Variants in SLFN11 observed in about 807,000 individuals in gnomAD.
SLFN11 encodes the protein schlafen family member 11.
Under a neutral mutation model 53.4 loss-of-function variants are expected in SLFN11, and 43 were observed. The ratio of observed to expected loss-of-function variants is 0.80; its 90% CI spans 0.63 to 1.04. SLFN11 has a LOEUF of 1.04. Ranked by LOEUF, SLFN11 falls within the 50% of genes least tolerant of loss-of-function variation. The probability of loss-of-function intolerance (pLI) is 0.00; values close to 1 mark genes in which losing one functional copy is unlikely to be tolerated. For synonymous variants in SLFN11, 389 were observed against 394.7 expected (o/e 0.99, Z 0.17); for missense variants, 990 against 1,079.1 (o/e 0.92, Z 1.16).
Position 35,352,133 on chromosome 17 carries a change from T to C in SLFN11, c.*223A>G. The stretch of plus-strand genomic sequence containing the variant: ...CTAAAGTTCCTTTAGAAAACCACCA[T>C]CTTTCTGGCTGGAAGAGTCAGGGGT... On this transcript the variant is annotated 3_prime_UTR_variant, in exon 7 of 7. Transcript: ENST00000685675. 6.7e-6 allele frequency: 4 copies of C among 595,578 alleles called. No individual in the cohort carries two copies. Among genetic ancestry groups the C allele is most frequent in the Non-Finnish European group, 8.8e-6 (3 of 339,624 alleles). The allele number at this position is 595,578 out of a possible 1,614,324, so 36.9% of individuals were successfully genotyped here.
intron 5 of SLFN11, among the ~76,000 whole-genome samples, chr17:35,358,331 C>T (rs1355289705): frequency 1.3e-5 from 2 of 151,464 alleles, no homozygotes; most frequent in African/African-American, 2.4e-5. Context: ...TTACTGTTTA[C>T]AGTAGTTTTC....
chr17:35,352,903 T>C lies in SLFN11; in HGVS notation c.2159A>G (p.Asp720Gly). The change falls in exon 7 of 7, where the codon GAC (aspartate) becomes GGC (glycine). Residue 720 changes from aspartate to glycine, a missense_variant. This residue lies in a region of SLFN11 where 313 missense variants were observed against 320.9 expected (regional missense o/e 0.98). Transcript: ENST00000685675. ...GGTGAGCTCTTCTCTTGGATATTGG[T>C]CTGAGAGAGGAGGGAGGCCACTGCA... is the stretch of plus-strand genomic sequence containing the variant. Reference protein sequence around the residue: ...LDCSGLPPLSDQYPREELTRI... With the variant: ...LDCSGLPPLSGQYPREELTRI... 1 of 1,614,144 alleles carries C rather than the reference T, an allele frequency of 6.2e-7. No individual in the cohort carries two copies. Among genetic ancestry groups the C allele is most frequent in the African/African-American group, 1.3e-5 (1 of 75,022 alleles).
At chr17:35,359,413 C>G (rs1907915441) in intron 5 of SLFN11, among the ~76,000 whole-genome samples, 2 of 152,054 alleles carry the variant, frequency 1.3e-5, no homozygotes, top group Non-Finnish European at 2.9e-5. Flanking sequence ...ATTTAATGAT[C>G]CTTGACAGAT....
chr17:35,371,812 G>A lies in SLFN11; in HGVS notation c.-235+1662C>T, dbSNP rs148726326. 7.8e-3 allele frequency among the ~76,000 whole-genome samples: 1,187 copies of A among 152,004 alleles called. 17 individuals carry two copies. Among genetic ancestry groups the A allele is most frequent in the African/African-American group, 0.028 (1,140 of 41,448 alleles). On this transcript the variant is annotated intron_variant, in intron 1 of 6. Transcript: ENST00000685675. Reference sequence around the variant, plus strand: ...TTAAAATGGCTTTTATCCAAAAGACGGGCAATAACAAACGCTGGCAAGGAT... The same window carrying A: ...TTAAAATGGCTTTTATCCAAAAGACAGGCAATAACAAACGCTGGCAAGGAT...
At chr17:35,354,189 TTATTA>T (rs1174058452) in intron 5 of SLFN11, 130 bp from the exon 6 acceptor site, 8 of 667,022 alleles carry the variant, frequency 1.2e-5, no homozygotes, top group Admixed American at 4.0e-5. Context: ...TTTATAAATA[TTATTA>T]TATTATAGTT....
At chr17:35,365,043 G>A (rs1486826095) in intron 3 of SLFN11, among the ~76,000 whole-genome samples, 7 of 152,038 alleles carry the variant, frequency 4.6e-5, no homozygotes, top group Non-Finnish European at 8.8e-5. Context: ...ATTTAAAGAG[G>A]TAGAAGGAAG....
In SLFN11 at chr17:35,353,895, G is replaced by A; in HGVS notation, c.1363C>T (p.Pro455Ser). 6.2e-7 allele frequency: 1 copy of A among 1,613,708 alleles called. No individual in the cohort carries two copies. Among genetic ancestry groups the A allele is most frequent in the Non-Finnish European group, 8.5e-7 (1 of 1,179,944 alleles). Residue 455 changes from proline to serine, a missense_variant, in exon 6 of 7, where the codon CCA (proline) becomes TCA (serine). Coordinates refer to ENST00000685675, the MANE Select transcript of SLFN11 (RefSeq NM_001376007.1). The stretch of plus-strand genomic sequence containing the variant: ...AGCAGAGCATCACAGATGACTCCTG[G>A]CTTCTCCTGCAAGTTCAGGTCCACA... ...WAVDLNLQEK[P>S]GVICDALLIA...
At chr17:35,370,634 G>A (rs1458052083) in intron 1 of SLFN11, among the ~76,000 whole-genome samples, 1 of 151,780 alleles carries the variant, frequency 6.6e-6, no homozygotes, top group South Asian at 2.1e-4. Context: ...AAAGTTGCAG[G>A]ATACAAAATA....
Position 35,351,619 on chromosome 17 carries a change from T to A in SLFN11, c.*737A>T, listed in dbSNP as rs1906688546. The A allele has an allele frequency of 6.6e-6, 1 of 152,196 alleles. No individual in the cohort carries two copies. Among genetic ancestry groups the A allele is most frequent in the African/African-American group, 2.4e-5 (1 of 41,448 alleles). 9.4% of individuals were successfully genotyped at this position (152,196 alleles called of 1,614,324 possible). A position where few individuals can be genotyped will look rare whatever the true frequency, so the allele number is the denominator to read the frequency against. ...CAGAACCAGATTTTGGTCTCTAATA[T>A]CATCTTCCACTGAAAGCCAGGGCAA... On this transcript the variant is annotated 3_prime_UTR_variant, in exon 7 of 7. Coordinates refer to ENST00000685675, the MANE Select transcript of SLFN11 (RefSeq NM_001376007.1).
At chr17:35,357,743 CATAT>C (rs931921699) in intron 5 of SLFN11, among the ~76,000 whole-genome samples, 1 of 139,614 alleles carries the variant, frequency 7.2e-6, no homozygotes, top group African/African-American at 2.6e-5. Flanking sequence ...TAATATATAT[CATAT>C]ATAAATAATA....
At chr17:35,371,671 A>G (rs1909680790) in intron 1 of SLFN11, among the ~76,000 whole-genome samples, 1 of 152,144 alleles carries the variant, frequency 6.6e-6, no homozygotes, top group South Asian at 2.1e-4. Context: ...AAAGATTTGA[A>G]TAGTCATTTC....
chr17:35,368,651 T>C (rs1909261887), intron 1 of SLFN11, among the ~76,000 whole-genome samples: 1 of 152,090 alleles, frequency 6.6e-6, no homozygotes. Context: ...CCTACTGAGA[T>C]ACCAGCTGGG....
rs1313472289 is a variant in SLFN11 at position 35,352,535 on chromosome 17, C to T, written c.2527G>A (p.Asp843Asn). Residue 843 changes from aspartate (D) to asparagine (N), a missense_variant, in exon 7 of 7, where the codon GAT becomes AAT. Around this residue, in one of 3 missense-constraint regions of SLFN11, gnomAD observed 313 missense variants for 320.9 expected, o/e 0.98. Transcript: ENST00000685675. Reference protein sequence around the residue: ...KRVVQLSDACDMLGDHIVLDS... With the variant: ...KRVVQLSDACNMLGDHIVLDS... ...AACACAATGTGATCACCCAACATAT[C>T]ACATGCATCACTGAGCTGCACCACC... 3.1e-6 allele frequency: 5 copies of T among 1,614,100 alleles called. No individual in the cohort carries two copies. Among genetic ancestry groups the T allele is most frequent in the Non-Finnish European group, 4.2e-6 (5 of 1,180,046 alleles).
At chr17:35,370,790 A>G (rs1909552043) in intron 1 of SLFN11, among the ~76,000 whole-genome samples, 1 of 152,128 alleles carries the variant, frequency 6.6e-6, no homozygotes, top group East Asian at 1.9e-4. Context: ...AATAAAAACT[A>G]TAAAATCATG....
In SLFN11 at chr17:35,352,343, T is replaced by C. The variant is rs144900385; in HGVS notation, c.*13A>G. ...CATAGACATTTACATAGCATTTTGA[T>C]TTGGAGTTCTTCCTAATGGCCACCC... On this transcript the variant is annotated 3_prime_UTR_variant, in exon 7 of 7. Transcript: ENST00000685675. 4.3e-5 allele frequency: 69 copies of C among 1,612,520 alleles called. 1 individual carries two copies. In the African/African-American group the frequency reaches 8.4e-4, roughly 20 times the overall value.
chr17:35,351,204 C>G lies in SLFN11; in HGVS notation c.*1152G>C, dbSNP rs542681856. 6.6e-6 allele frequency: 1 copy of G among 152,382 alleles called. No individual in the cohort carries two copies. The highest frequency in any genetic ancestry group is 6.5e-5 in the Admixed American group (1 of 15,300). 9.4% of individuals were successfully genotyped at this position (152,382 alleles called of 1,614,324 possible). On this transcript the variant is annotated 3_prime_UTR_variant, in exon 7 of 7. Transcript: ENST00000685675. ...CCATCTCTCTGTGTGCTCCCATGCCCTCTTGTTTGCATGCACAGGGAGGGA... is the reference window on the plus strand; with the variant it reads ...CCATCTCTCTGTGTGCTCCCATGCCGTCTTGTTTGCATGCACAGGGAGGGA...
Position 35,367,045 on chromosome 17 carries a change from T to G in SLFN11, c.-118A>C, listed in dbSNP as rs1909040930. 6.9e-6 allele frequency: 1 copy of G among 145,510 alleles called. No individual in the cohort carries two copies. The highest frequency in any genetic ancestry group is 2.2e-4 in the South Asian group (1 of 4,482). The allele number at this position is 145,510 out of a possible 1,614,324, so 9.0% of individuals were successfully genotyped here. On this transcript the variant is annotated 5_prime_UTR_variant, in exon 3 of 7. Coordinates refer to ENST00000685675, the MANE Select transcript of SLFN11 (RefSeq NM_001376007.1). ...AAGATCGTGCCACTGCACTCCAGCC[T>G]GGGGGTCAAAGTAAGAATCTGTCTC...
At chr17:35,360,108 G>T (rs1908012110) in intron 5 of SLFN11, 135 bp downstream of exon 5, 1 of 890,828 alleles carries the variant, frequency 1.1e-6, no homozygotes, top group Non-Finnish European at 1.7e-6. Context: ...TCACCAATAG[G>T]ATTGTAACAT....
intron 1 of SLFN11, among the ~76,000 whole-genome samples, chr17:35,373,194 G>C (rs1048708928): frequency 6.6e-6 from 1 of 151,926 alleles, no homozygotes; most frequent in African/African-American, 2.4e-5. Flanking sequence ...CTGGCCAGGG[G>C]CTCTTCCAAC....
Sources: allele counts gnomAD v4.1 joint callset (sites outside exome capture counted in the v4.1 genomes callset), GRCh38; gene constraint gnomAD v4.1.1; regional missense constraint gnomAD v4.1.1; transcripts MANE v1.5; gene names NCBI Gene and HGNC (gene_info 2026-07-23, HGNC 2026-07-21).